The following PLEKHG4B variants were observed in gnomAD, a reference collection of about 807,000 sequenced individuals.
PLEKHG4B encodes the protein pleckstrin homology domain-containing family G member 4B.
In PLEKHG4B, 111 loss-of-function variants were observed where a neutral mutation model predicts 121.3. That is an observed-to-expected ratio of 0.92 (90% CI 0.78 to 1.07). The LOEUF (loss-of-function observed/expected upper bound fraction) is 1.07. Among genes scored for constraint, PLEKHG4B ranks in the 50% least tolerant of loss-of-function variants. The probability of loss-of-function intolerance (pLI) is 0.00; values close to 1 mark genes in which losing one functional copy is unlikely to be tolerated. For synonymous variants in PLEKHG4B, 738 were observed against 725.0 expected, an observed-to-expected ratio of 1.02 and a Z score of -0.29; for missense variants, 1,831 against 1,757.8, an observed-to-expected ratio of 1.04 and a Z score of -0.74.
At position 177,988 on chromosome 5, in the gene PLEKHG4B, G is replaced by A. The variant is rs116665861; in HGVS notation, c.4403-3526G>A. 9.4e-3 allele frequency among the ~76,000 whole-genome samples: 1,414 copies of A among 150,598 alleles called. 25 individuals are homozygous for A. The highest frequency in any genetic ancestry group is 0.029 in the African/African-American group (1,182 of 40,230). On this transcript the variant is annotated intron_variant, in intron 18 of 19. Coordinates refer to ENST00000637938, the MANE Select transcript of PLEKHG4B (RefSeq NM_052909.5). Reference sequence around the variant, plus strand: ...TGTTGGGGGAACGTGAGGATGCACCGTGTGCCTAGGAAGTTGTAGGCATCC... The same window carrying A: ...TGTTGGGGGAACGTGAGGATGCACCATGTGCCTAGGAAGTTGTAGGCATCC...
chr5:152,194 A>C (rs1366225960), intron 7 of PLEKHG4B, among the ~76,000 whole-genome samples: 1 of 147,144 alleles, frequency 6.8e-6, no homozygotes. Flanking sequence ...CTTTTTAGCC[A>C]TTCTTTCTGT....
At chr5:173,725 G>A (rs962963236) in intron 17 of PLEKHG4B, among the ~76,000 whole-genome samples, 193 bp from the exon 18 acceptor site, 1 of 152,040 alleles carries the variant, frequency 6.6e-6, no homozygotes, top group African/African-American at 2.4e-5. Flanking sequence ...CTGCACACAG[G>A]CACTCTCCCT....
chr5:170,658 T>C (rs1171543764), intron 14 of PLEKHG4B, among the ~76,000 whole-genome samples: 4 of 152,176 alleles, frequency 2.6e-5, no homozygotes, highest in Non-Finnish European at 2.9e-5. Flanking sequence ...TTGACCGTGA[T>C]TGTGGCAATT....
intron 2 of PLEKHG4B, among the ~76,000 whole-genome samples, chr5:125,209 T>C (rs1734578577): frequency 6.6e-6 from 1 of 152,204 alleles, no homozygotes; most frequent in South Asian, 2.1e-4. Flanking sequence ...AAACAGGGGC[T>C]CCTGTCATTT....
intron 18 of PLEKHG4B, among the ~76,000 whole-genome samples, chr5:178,188 G>A (rs1736821464): frequency 6.6e-6 from 1 of 152,248 alleles, no homozygotes. Context: ...CCTGGCACCT[G>A]CCTTCAATTA....
chr5:151,523 C>G lies in PLEKHG4B; in HGVS notation c.1916C>G (p.Ser639Cys). The change falls in exon 7 of 20, where the codon TCT (serine) becomes TGT (cysteine). Residue 639 changes from serine (S) to cysteine (C), a missense_variant. Coordinates refer to ENST00000637938, the MANE Select transcript of PLEKHG4B (RefSeq NM_052909.5). ...TCTTATTTATTTCAGAACAACACAT[C>G]TCCTATAATTCATAGTATCTTGCTG... Reference protein sequence around the residue: ...QALSGLQNNTSPIIHSILLLV... With the variant: ...QALSGLQNNTCPIIHSILLLV... 2.6e-6 allele frequency: 4 copies of G among 1,560,592 alleles called. No homozygotes were observed. Among genetic ancestry groups the G allele is most frequent in the African/African-American group, 1.4e-5 (1 of 73,586 alleles).
At chr5:92,653 T>G (rs1733502702) in intron 1 of PLEKHG4B, among the ~76,000 whole-genome samples, 1 of 151,300 alleles carries the variant, frequency 6.6e-6, no homozygotes, top group Non-Finnish European at 1.5e-5. Flanking sequence ...CCCTTTTCCT[T>G]GTAACCTCGT....
intron 18 of PLEKHG4B, among the ~76,000 whole-genome samples, chr5:174,620 C>T (rs1037442448): frequency 6.6e-6 from 1 of 152,108 alleles, no homozygotes; most frequent in Non-Finnish European, 1.5e-5. Flanking sequence ...GTTTAAGGGC[C>T]ATTTGTATAG....
In PLEKHG4B at chr5:184,006, TA is replaced by T. The variant is rs1312240903; in HGVS notation, c.*1684del. The stretch of plus-strand genomic sequence containing the variant: ...ATAGATAGATCGATAGATAGATAGA[TA>T]GATAGATAGATAGATAGATAGACTG... On this transcript the variant is annotated 3_prime_UTR_variant, in exon 20 of 20. Coordinates refer to ENST00000637938, the MANE Select transcript of PLEKHG4B (RefSeq NM_052909.5). 6.8e-6 allele frequency: 1 copy of T among 147,206 alleles called. No individual in the cohort carries two copies. The highest frequency in any genetic ancestry group is 6.7e-5 in the Admixed American group (1 of 14,996). The allele number at this position is 147,206 out of a possible 1,614,324, so 9.1% of individuals were successfully genotyped here.
intron 1 of PLEKHG4B, among the ~76,000 whole-genome samples, chr5:98,578 G>C (rs1232008762): frequency 6.7e-6 from 1 of 149,026 alleles, no homozygotes; most frequent in Non-Finnish European, 1.5e-5. Flanking sequence ...GGGACTACAG[G>C]CATGTGCCAC....
At chr5:120,240 A>G in intron 2 of PLEKHG4B, among the ~76,000 whole-genome samples, 1 of 152,228 alleles carries the variant, frequency 6.6e-6, no homozygotes, top group Non-Finnish European at 1.5e-5. Flanking sequence ...CAACACAGCA[A>G]GACCCTGCTT....
chr5:183,995 A>AGATAGATAGATAGATC lies in PLEKHG4B; in HGVS notation c.*1687_*1688insCGATAGATAGATAGAT, dbSNP rs1733525500. The AGATAGATAGATAGATC allele has an allele frequency of 1.9e-5, 2 of 102,760 alleles. No individual in the cohort carries two copies. Among genetic ancestry groups the AGATAGATAGATAGATC allele is most frequent in the Admixed American group, 2.0e-4 (2 of 9,798 alleles). 6.4% of individuals were successfully genotyped at this position (102,760 alleles called of 1,614,324 possible). A position where few individuals can be genotyped will look rare whatever the true frequency, so the allele number is the denominator to read the frequency against. On this transcript the variant is annotated 3_prime_UTR_variant, in exon 20 of 20. Coordinates refer to ENST00000637938, the MANE Select transcript of PLEKHG4B (RefSeq NM_052909.5). Reference sequence around the variant, plus strand: ...CAGATAGATAGATAGATAGATCGATAGATAGATAGATAGATAGATAGATAG... The same window carrying AGATAGATAGATAGATC: ...CAGATAGATAGATAGATAGATCGATAGATAGATAGATAGATCGATAGATAGATAGATAGATAGATAG...
At chr5:126,622 T>C (rs2126375466) in intron 2 of PLEKHG4B, among the ~76,000 whole-genome samples, 1 of 152,348 alleles carries the variant, frequency 6.6e-6, no homozygotes, top group South Asian at 2.1e-4. Context: ...AATCTAATTA[T>C]GTGACACCTC....
intron 1 of PLEKHG4B, among the ~76,000 whole-genome samples, chr5:95,775 G>A (rs1452807969): frequency 1.3e-5 from 2 of 152,096 alleles, no homozygotes; most frequent in Admixed American, 1.3e-4. Context: ...GTCCAATGGA[G>A]GGGACTACCA....
intron 9 of PLEKHG4B, among the ~76,000 whole-genome samples, chr5:155,712 C>T (rs748166597): frequency 2.6e-5 from 4 of 152,204 alleles, no homozygotes; most frequent in African/African-American, 7.2e-5. Context: ...CTGCTCGGAA[C>T]GAGCCATTCC....
At chr5:176,684 C>G (rs1443356638) in intron 18 of PLEKHG4B, among the ~76,000 whole-genome samples, 3 of 152,226 alleles carry the variant, frequency 2.0e-5, no homozygotes, top group Non-Finnish European at 4.4e-5. Flanking sequence ...CATCCCTGAC[C>G]ATTTACCAGA....
At chr5:153,799 A>G (rs1381285138) in intron 7 of PLEKHG4B, among the ~76,000 whole-genome samples, 2 of 151,900 alleles carry the variant, frequency 1.3e-5, no homozygotes, top group Non-Finnish European at 2.9e-5. Context: ...TGATCCTCCC[A>G]CCTCAGCCTC....
chr5:164,287 T>C lies in PLEKHG4B; in HGVS notation c.3476+739T>C, dbSNP rs138723088. Among the ~76,000 whole-genome samples, 4 of 152,364 alleles carry C rather than the reference T, an allele frequency of 2.6e-5. No individual in the cohort carries two copies. The East Asian group carries it at 7.7e-4, about 29-fold the overall frequency. ...CCACTTCAGCTCACCAGGCATTAGT[T>C]AGATTCTCATAAGGAGCACGAAACC... On this transcript the variant is annotated intron_variant, in intron 13 of 19. Transcript: ENST00000637938.
intron 1 of PLEKHG4B, among the ~76,000 whole-genome samples, chr5:108,981 G>A (rs1734057211): frequency 6.6e-6 from 1 of 152,208 alleles, no homozygotes; most frequent in African/African-American, 2.4e-5. Flanking sequence ...GCAGCCCAGA[G>A]CGAGCCTCCT....
Sources: allele counts gnomAD v4.1 joint callset (sites outside exome capture counted in the v4.1 genomes callset), GRCh38; gene constraint gnomAD v4.1.1; transcripts MANE v1.5; gene names NCBI Gene and HGNC (gene_info 2026-07-23, HGNC 2026-07-21).